The following SLC8A3 variants were observed in gnomAD, a reference collection of about 807,000 sequenced individuals.
SLC8A3 encodes solute carrier family 8 member A3, also known as sodium/calcium exchanger 3.
SLC8A3 carries 37 observed loss-of-function variants against 65.4 expected under a neutral mutation model. That is an observed-to-expected ratio of 0.57 (90% CI 0.44 to 0.74). The LOEUF is 0.74. Ranked by LOEUF, SLC8A3 falls within the 30% of genes least tolerant of loss-of-function variation. SLC8A3 has a pLI of 0.00. For synonymous variants in SLC8A3, 461 were observed against 444.5 expected, an observed-to-expected ratio of 1.04 and a Z score of -0.47; for missense variants, 1,112 against 1,172.1, an observed-to-expected ratio of 0.95 and a Z score of 0.75.
intron 1 of SLC8A3, among the ~76,000 whole-genome samples, chr14:70,184,964 TTC>T (rs1883064989): frequency 1.8e-5 from 2 of 110,370 alleles, no homozygotes; most frequent in African/African-American, 6.5e-5. Context: ...TTTTTTTCTT[TTC>T]TTTTTTTTTT....
intron 2 of SLC8A3, among the ~76,000 whole-genome samples, chr14:70,121,981 A>G (rs1894096028): frequency 6.6e-6 from 1 of 152,106 alleles, no homozygotes. Context: ...ATTCACTCCA[A>G]ATGATTATGG....
chr14:70,075,098 CTG>C (rs1890364689), intron 2 of SLC8A3, among the ~76,000 whole-genome samples: 1 of 152,068 alleles, frequency 6.6e-6, no homozygotes, highest in Non-Finnish European at 1.5e-5. Context: ...TTTTTGGAAA[CTG>C]CAGGTCTCCT....
intron 2 of SLC8A3, among the ~76,000 whole-genome samples, chr14:70,160,707 A>G (rs1896830643): frequency 6.6e-6 from 1 of 152,102 alleles, no homozygotes; most frequent in African/African-American, 2.4e-5. Flanking sequence ...GGGATACCGC[A>G]TGCCTAGTCC....
intron 2 of SLC8A3, among the ~76,000 whole-genome samples, chr14:70,143,835 G>T (rs1377347580): frequency 1.3e-5 from 2 of 151,974 alleles, no homozygotes; most frequent in African/African-American, 4.8e-5. Context: ...CTCTACCCAG[G>T]CTCTGAGCTG....
intron 2 of SLC8A3, among the ~76,000 whole-genome samples, chr14:70,166,111 C>T (rs1046515152): frequency 2.0e-5 from 3 of 152,184 alleles, no homozygotes; most frequent in Non-Finnish European, 4.4e-5. Flanking sequence ...GAAGACGTGC[C>T]TGGAATCTGG....
At chr14:70,064,392 A>G (rs1889170378) in intron 2 of SLC8A3, among the ~76,000 whole-genome samples, 1 of 152,010 alleles carries the variant, frequency 6.6e-6, no homozygotes, top group African/African-American at 2.4e-5. Flanking sequence ...AAATTTTTGC[A>G]ATCAGCTGAC....
At position 70,057,294 on chromosome 14, in the gene SLC8A3, G is replaced by GTAGATAGATAGATAGA. The variant is rs3052660; in HGVS notation, c.1888+3526_1888+3541dup. On this transcript the variant is annotated intron_variant, in intron 3 of 6. Transcript: ENST00000356921. Reference sequence around the variant, plus strand: ...TAGATAGATATAGATAGGCAGATAGGTAGATAGATAGATAGATAGATAGAT... The same window carrying GTAGATAGATAGATAGA: ...TAGATAGATATAGATAGGCAGATAGGTAGATAGATAGATAGATAGATAGATAGATAGATAGATAGAT... Among the ~76,000 whole-genome samples, 70 of 149,576 alleles carry GTAGATAGATAGATAGA rather than the reference G, an allele frequency of 4.7e-4. 1 individual carries two copies. Among genetic ancestry groups the GTAGATAGATAGATAGA allele is most frequent in the East Asian group, 1.4e-3 (7 of 5,038 alleles).
chr14:70,060,351 T>C, intron 3 of SLC8A3: 3 of 262,170 alleles, frequency 1.1e-5, no homozygotes, highest in Non-Finnish European at 2.2e-5. Context: ...GGCTAAAGAG[T>C]GAGGGGTGGC....
intron 1 of SLC8A3, among the ~76,000 whole-genome samples, chr14:70,187,631 GTGT>G (rs1196738551): frequency 6.7e-6 from 1 of 148,424 alleles, no homozygotes; most frequent in African/African-American, 2.5e-5. Context: ...GTGTGTGTGT[GTGT>G]GTGTGTCCGC....
At chr14:70,116,355 G>A (rs568393460) in intron 2 of SLC8A3, among the ~76,000 whole-genome samples, 14 of 147,520 alleles carry the variant, frequency 9.5e-5, no homozygotes, top group African/African-American at 3.5e-4. Context: ...GTGTGTGTGT[G>A]TATGTGTGTG....
chr14:70,065,384 A>G (rs1889306931), intron 2 of SLC8A3, among the ~76,000 whole-genome samples: 1 of 152,004 alleles, frequency 6.6e-6, no homozygotes, highest in Non-Finnish European at 1.5e-5. Context: ...CCAAACCCTC[A>G]TCACTTGCCA....
intron 3 of SLC8A3, chr14:70,060,156 C>G (rs1017529301): frequency 6.5e-6 from 1 of 154,950 alleles, no homozygotes; most frequent in African/African-American, 2.4e-5. Flanking sequence ...CACGGTCTGC[C>G]CAACTGTGAA....
intron 2 of SLC8A3, among the ~76,000 whole-genome samples, chr14:70,116,898 A>G (rs576582112): frequency 6.6e-6 from 1 of 152,372 alleles, no homozygotes; most frequent in African/African-American, 2.4e-5. Context: ...ATTTTATCCA[A>G]GCAGAATTAT....
chr14:70,063,900 T>A (rs897002997), intron 2 of SLC8A3: 2 of 1,609,504 alleles, frequency 1.2e-6, no homozygotes, highest in African/African-American at 1.3e-5. Context: ...ATATGCCTCA[T>A]CATCAATTAC....
intron 1 of SLC8A3, among the ~76,000 whole-genome samples, chr14:70,179,786 G>A (rs1008208948): frequency 5.9e-5 from 9 of 152,184 alleles, no homozygotes; most frequent in African/African-American, 1.9e-4. Flanking sequence ...ATGTGCCAGG[G>A]GTTTACAAAG....
At chr14:70,064,333 G>T (rs1847489575) in intron 2 of SLC8A3, among the ~76,000 whole-genome samples, 1 of 152,190 alleles carries the variant, frequency 6.6e-6, no homozygotes, top group African/African-American at 2.4e-5. Flanking sequence ...CGGCCACTAA[G>T]GTCCTCCCAT....
intron 2 of SLC8A3, among the ~76,000 whole-genome samples, chr14:70,162,042 G>GCTCA (rs76765215): frequency 0.2 from 30,493 of 151,994 alleles, 3,230 homozygotes; most frequent in Middle Eastern, 0.26. Context: ...ATTTCCGTGG[G>GCTCA]CTATTTTCCT....
At chr14:70,054,342 A>T (rs1380030902) in intron 3 of SLC8A3, among the ~76,000 whole-genome samples, 1 of 152,192 alleles carries the variant, frequency 6.6e-6, no homozygotes, top group Non-Finnish European at 1.5e-5. Flanking sequence ...TGAGATTTCC[A>T]ACGAATTGAA....
At chr14:70,098,145 T>G (rs530610567) in intron 2 of SLC8A3, among the ~76,000 whole-genome samples, 1 of 152,270 alleles carries the variant, frequency 6.6e-6, no homozygotes, top group African/African-American at 2.4e-5. Context: ...TCCCCTGACA[T>G]GTGACCAGGA....
Sources: allele counts gnomAD v4.1 joint callset (sites outside exome capture counted in the v4.1 genomes callset), GRCh38; gene constraint gnomAD v4.1.1; transcripts MANE v1.5; gene names NCBI Gene and HGNC (gene_info 2026-07-23, HGNC 2026-07-21).